Variants in PCDHGB1 observed in about 807,000 individuals in gnomAD.
The protein encoded by PCDHGB1 is protocadherin gamma-B1.
PCDHGB1 carries 34 observed loss-of-function variants against 56.6 expected under a neutral mutation model. The ratio of observed to expected loss-of-function variants is 0.60; its 90% CI spans 0.46 to 0.80. PCDHGB1 has a LOEUF of 0.80. PCDHGB1 is among the 30% of genes least tolerant of loss of function. PCDHGB1 has a pLI of 0.00. For missense variants in PCDHGB1, 1,278 were observed against 1,204.6 expected, an observed-to-expected ratio of 1.06 and a Z score of -0.90; for synonymous variants, 561 against 505.9, an observed-to-expected ratio of 1.11 and a Z score of -1.46.
intron 1 of PCDHGB1, chr5:141,417,121 G>C (rs2096086482): frequency 6.6e-6 from 1 of 152,110 alleles, no homozygotes; most frequent in Non-Finnish European, 1.5e-5. Context: ...GGACACCCTG[G>C]ATGATGGTAA....
At chr5:141,417,781 G>C in intron 1 of PCDHGB1, 1 of 1,473,574 alleles carries the variant, frequency 6.8e-7, no homozygotes. Flanking sequence ...CCTGTCCTGG[G>C]CCGAATGCTC....
At position 141,476,683 on chromosome 5, in the gene PCDHGB1, C is replaced by T; in HGVS notation, c.2410-18124C>T. The T allele has an allele frequency of 1.9e-6, 3 of 1,614,242 alleles. No homozygotes were observed. Among genetic ancestry groups the T allele is most frequent in the Non-Finnish European group, 2.5e-6 (3 of 1,180,052 alleles). ...CGCTTCGCGTGCAGACGCGGGAGGA[C>T]AGCACCAAGTACGCGGAGCTGGTGT... On this transcript the variant is annotated intron_variant, in intron 1 of 3. Coordinates refer to ENST00000523390, the MANE Select transcript of PCDHGB1 (RefSeq NM_018922.3). The surrounding 1 kb of genome is among the most constrained non-coding windows in gnomAD (Gnocchi z 7.6).
intron 1 of PCDHGB1, chr5:141,371,741 T>C (rs1767988332): frequency 6.2e-7 from 1 of 1,614,004 alleles, no homozygotes; most frequent in East Asian, 2.2e-5. Flanking sequence ...ACGACAACGT[T>C]CCCGTTTTCC....
chr5:141,422,328 TGCTCTTCTAAA>T (rs2096641385), intron 1 of PCDHGB1: 1 of 1,548,384 alleles, frequency 6.5e-7, no homozygotes, highest in Admixed American at 2.1e-5. Flanking sequence ...GTACAGTGAT[TGCTCTTCTAAA>T]TGTGCAAGAT....
At chr5:141,501,510 T>G (rs11744379) in intron 2 of PCDHGB1, among the ~76,000 whole-genome samples, 29,206 of 151,772 alleles carry the variant, frequency 0.19, 2,837 homozygotes, top group Middle Eastern at 0.24. Context: ...CTCCAAGGCC[T>G]CCAAGCTGAA....
intron 1 of PCDHGB1, chr5:141,377,467 A>C (rs1170946460): frequency 6.6e-6 from 1 of 152,194 alleles, no homozygotes; most frequent in South Asian, 2.1e-4. Context: ...TGTGTGGCGT[A>C]CACCTGTAGT....
At chr5:141,449,818 A>G (rs1446661913) in intron 1 of PCDHGB1, among the ~76,000 whole-genome samples, 2 of 151,708 alleles carry the variant, frequency 1.3e-5, no homozygotes, top group Non-Finnish European at 2.9e-5. Flanking sequence ...GTATTTCCTA[A>G]CAAGGACATT....
intron 1 of PCDHGB1, chr5:141,372,081 C>T: frequency 1.2e-6 from 2 of 1,613,734 alleles, no homozygotes; most frequent in Non-Finnish European, 8.5e-7. Flanking sequence ...ACCGCTGGTG[C>T]TGTACCCAGC....
chr5:141,499,689 C>CTTTTT (rs545067566), intron 2 of PCDHGB1, among the ~76,000 whole-genome samples: 5 of 119,848 alleles, frequency 4.2e-5, no homozygotes, highest in Admixed American at 8.7e-5. Context: ...TAACAGATGA[C>CTTTTT]TTTTTTTTTT....
intron 1 of PCDHGB1, chr5:141,394,909 C>A (rs1349151273): frequency 1.9e-6 from 3 of 1,613,418 alleles, no homozygotes; most frequent in East Asian, 4.5e-5. Context: ...GCAGTGGCTG[C>A]CATCTCCTGT....
chr5:141,469,603 GTAAAA>G (rs929191572), intron 1 of PCDHGB1, among the ~76,000 whole-genome samples: 9 of 152,038 alleles, frequency 5.9e-5, no homozygotes, highest in Admixed American at 1.3e-4. Context: ...AACAAAATAA[GTAAAA>G]TAAAATAAAT....
chr5:141,394,174 A>T, intron 1 of PCDHGB1: 1 of 1,613,824 alleles, frequency 6.2e-7, no homozygotes, highest in Non-Finnish European at 8.5e-7. Flanking sequence ...ACTTTCCCTC[A>T]TGCCTCCTAC....
At position 141,489,076 on chromosome 5, in the gene PCDHGB1, C is replaced by T. The variant is rs536134432; in HGVS notation, c.2410-5731C>T. The T allele has an allele frequency of 6.1e-6, 2 of 326,424 alleles. No individual in the cohort carries two copies. Among genetic ancestry groups the T allele is most frequent in the East Asian group, 5.8e-5 (1 of 17,220 alleles). 20.2% of individuals were successfully genotyped at this position (326,424 alleles called of 1,614,324 possible). On this transcript the variant is annotated intron_variant, in intron 1 of 3. Coordinates refer to ENST00000523390, the MANE Select transcript of PCDHGB1 (RefSeq NM_018922.3). The surrounding 1 kb of genome is among the most constrained non-coding windows in gnomAD (Gnocchi z 4.5). The stretch of plus-strand genomic sequence containing the variant: ...CAGCTCCCCTCCCCCCTGCCCACCC[C>T]CGCCACTCGGTGACTAAGAACTGCT...
At chr5:141,370,375 G>T in intron 1 of PCDHGB1, 2 of 1,527,984 alleles carry the variant, frequency 1.3e-6, no homozygotes. Context: ...ATTTAGAAAG[G>T]CAAAGGCGCA....
chr5:141,395,041 T>C (rs2093154278), intron 1 of PCDHGB1: 1 of 1,613,994 alleles, frequency 6.2e-7, no homozygotes, highest in South Asian at 1.1e-5. Flanking sequence ...TTTGTGGGTG[T>C]TGAGGAGGTA....
intron 1 of PCDHGB1, among the ~76,000 whole-genome samples, chr5:141,459,812 A>G (rs1390780491): frequency 1.3e-5 from 2 of 152,232 alleles, no homozygotes; most frequent in South Asian, 2.1e-4. Context: ...GACTAGAGAC[A>G]CTGAGCAACT....
In PCDHGB1 at chr5:141,388,623, T is replaced by C. The variant is rs767536532; in HGVS notation, c.2409+35954T>C. On this transcript the variant is annotated intron_variant, in intron 1 of 3. Transcript: ENST00000523390. Reference sequence around the variant, plus strand: ...TGCTCCAGTGTTCAGTCAAGACGTATACAGGGTGAGCCTTTCAGAAAACGT... The same window carrying C: ...TGCTCCAGTGTTCAGTCAAGACGTACACAGGGTGAGCCTTTCAGAAAACGT... 3.6e-5 allele frequency: 58 copies of C among 1,613,846 alleles called. No individual in the cohort carries two copies. The highest frequency in any genetic ancestry group is 4.8e-5 in the Non-Finnish European group (57 of 1,179,886).
chr5:141,427,820 G>A (rs2097075272), intron 1 of PCDHGB1: 2 of 1,532,144 alleles, frequency 1.3e-6, no homozygotes, highest in East Asian at 4.5e-5. Flanking sequence ...GCGGGGTGGT[G>A]GTCGCGCAGC....
chr5:141,384,999 C>A, intron 1 of PCDHGB1: 1 of 1,614,144 alleles, frequency 6.2e-7, no homozygotes, highest in Non-Finnish European at 8.5e-7. Flanking sequence ...TGGCCACAGT[C>A]TCCTGCGTCT....
Sources: allele counts gnomAD v4.1 joint callset (sites outside exome capture counted in the v4.1 genomes callset), GRCh38; gene constraint gnomAD v4.1.1; non-coding constraint Gnocchi (gnomAD v3.1); transcripts MANE v1.5; gene names NCBI Gene and HGNC (gene_info 2026-07-23, HGNC 2026-07-21).